FOXN2: variants seen among roughly 807,000 people sequenced by gnomAD.
FOXN2 encodes forkhead box N2, also known as forkhead box protein N2.
A neutral mutation model predicts 41.2 loss-of-function variants in FOXN2; 19 were observed. That is an observed-to-expected ratio of 0.46 (90% CI 0.32 to 0.68). The LOEUF (loss-of-function observed/expected upper bound fraction) is 0.68, where lower values mean the gene tolerates loss of function less well. FOXN2 is among the 30% of genes least tolerant of loss of function. The pLI is 0.03. For missense variants in FOXN2, 587 were observed against 509.4 expected, an observed-to-expected ratio of 1.15 and a Z score of -1.47; for synonymous variants, 195 against 176.8, an observed-to-expected ratio of 1.10 and a Z score of -0.82.
At chr2:48,335,594 CAG>C (rs1396482456) in intron 2 of FOXN2, among the ~76,000 whole-genome samples, 2 of 152,144 alleles carry the variant, frequency 1.3e-5, no homozygotes, top group South Asian at 4.1e-4. Context: ...AGTTCAGTGA[CAG>C]ACTATTTTTT....
At chr2:48,353,587 TGTGTG>T (rs1671595736) in intron 3 of FOXN2, among the ~76,000 whole-genome samples, 1 of 147,926 alleles carries the variant, frequency 6.8e-6, no homozygotes, top group Non-Finnish European at 1.5e-5. Context: ...TGTGTGTGTG[TGTGTG>T]TGTGTGTGTG....
At chr2:48,325,658 T>G (rs963073861) in intron 1 of FOXN2, among the ~76,000 whole-genome samples, 4 of 152,094 alleles carry the variant, frequency 2.6e-5, no homozygotes, top group African/African-American at 7.2e-5. Flanking sequence ...AGACAACAAA[T>G]ATTTGAGCAG....
At chr2:48,335,569 CAAATA>C (rs919203096) in intron 2 of FOXN2, among the ~76,000 whole-genome samples, 4 of 59,106 alleles carry the variant, frequency 6.8e-5, no homozygotes, top group African/African-American at 2.1e-4. Context: ...CATGTTCATA[CAAATA>C]AAATGTGAAA....
At chr2:48,361,814 A>G (rs956774864) in intron 4 of FOXN2, among the ~76,000 whole-genome samples, 1 of 152,216 alleles carries the variant, frequency 6.6e-6, no homozygotes, top group African/African-American at 2.4e-5. Flanking sequence ...TTCCATGAAT[A>G]TAGAAAGTTT....
At chr2:48,320,390 A>C (rs1233416489) in intron 1 of FOXN2, among the ~76,000 whole-genome samples, 3 of 151,818 alleles carry the variant, frequency 2.0e-5, no homozygotes, top group Non-Finnish European at 4.4e-5. Flanking sequence ...TCCCGGGTTC[A>C]AGCAGTTCTC....
At chr2:48,371,125 C>T (rs540394883) in intron 5 of FOXN2, among the ~76,000 whole-genome samples, 162 of 152,234 alleles carry the variant, frequency 1.1e-3, no homozygotes, top group Middle Eastern at 3.4e-3. Context: ...GGGTGGGGCG[C>T]GGTGGCTCAT....
Position 48,373,274 on chromosome 2 carries a change from T to C in FOXN2, c.704-18T>C. 1 of 1,549,102 alleles carries C rather than the reference T, an allele frequency of 6.5e-7. No individual in the cohort carries two copies. The highest frequency in any genetic ancestry group is 8.9e-7 in the Non-Finnish European group (1 of 1,129,138). On this transcript the variant is annotated intron_variant, in intron 5 of 6. Transcript: ENST00000340553. ...CCTTTATAAAGAACATTAATATTAT[T>C]ACTTTTTCCCTTTTCAGAATCTGAT...
At position 48,377,435 on chromosome 2, in the gene FOXN2, T is replaced by G. The variant is rs1427956401; in HGVS notation, c.*1992T>G. 6.6e-6 allele frequency: 1 copy of G among 152,032 alleles called. No homozygotes were observed. Among genetic ancestry groups the G allele is most frequent in the Non-Finnish European group, 1.5e-5 (1 of 67,910 alleles). 9.4% of individuals were successfully genotyped at this position (152,032 alleles called of 1,614,324 possible). ...TTTCAGTGATCTGGCACCAGTTTAT[T>G]TTGTTCTGCTGAAATTCTGTATCAC... On this transcript the variant is annotated 3_prime_UTR_variant, in exon 7 of 7. Coordinates refer to ENST00000340553, the MANE Select transcript of FOXN2 (RefSeq NM_002158.4).
intron 5 of FOXN2, among the ~76,000 whole-genome samples, chr2:48,363,141 T>C (rs1484419044): frequency 6.6e-6 from 1 of 152,188 alleles, no homozygotes; most frequent in African/African-American, 2.4e-5. Context: ...TCTGTGTTTA[T>C]TGTCCCTAAA....
chr2:48,342,647 C>G (rs773832035), intron 2 of FOXN2, among the ~76,000 whole-genome samples: 10 of 151,976 alleles, frequency 6.6e-5, no homozygotes, highest in Non-Finnish European at 1.3e-4. Flanking sequence ...GCCTGTTTAT[C>G]CATTGTGGTG....
At position 48,354,068 on chromosome 2, in the gene FOXN2, A is replaced by T. The variant is rs1671634586; in HGVS notation, c.538-4979A>T. ...AAAGGTAACCATCTACTAGGTACTTAGAAATATAGGCAGGAATAGAGGTGA... is the reference window on the plus strand; with the variant it reads ...AAAGGTAACCATCTACTAGGTACTTTGAAATATAGGCAGGAATAGAGGTGA... On this transcript the variant is annotated intron_variant, in intron 3 of 6. Transcript: ENST00000340553. Among the ~76,000 whole-genome samples, 8 of 152,194 alleles carry T rather than the reference A, an allele frequency of 5.3e-5. No individual in the cohort carries two copies. The South Asian group carries it at 1.7e-3, about 32-fold the overall frequency.
chr2:48,338,229 G>C (rs770132153), intron 2 of FOXN2, among the ~76,000 whole-genome samples: 9 of 152,156 alleles, frequency 5.9e-5, no homozygotes, highest in Non-Finnish European at 1.0e-4. Flanking sequence ...AATGCTGGAA[G>C]TTGGCCTGTT....
intron 1 of FOXN2, among the ~76,000 whole-genome samples, chr2:48,318,455 T>C (rs574562276): frequency 6.6e-6 from 1 of 152,288 alleles, no homozygotes; most frequent in South Asian, 2.1e-4. Flanking sequence ...GCCAGTCTCA[T>C]CACATCATAT....
At chr2:48,358,810 A>G (rs1284167661) in intron 3 of FOXN2, among the ~76,000 whole-genome samples, 1 of 152,190 alleles carries the variant, frequency 6.6e-6, no homozygotes, top group African/African-American at 2.4e-5. Context: ...ATAATATAAA[A>G]CCAGAAGCTA....
At chr2:48,347,439 A>G (rs947372236) in intron 3 of FOXN2, among the ~76,000 whole-genome samples, 14 of 151,348 alleles carry the variant, frequency 9.3e-5, no homozygotes, top group African/African-American at 3.4e-4. Context: ...TGTTGTCCAG[A>G]CTGGTCTTGG....
At chr2:48,317,489 A>G (rs2104028837) in intron 1 of FOXN2, among the ~76,000 whole-genome samples, 1 of 149,020 alleles carries the variant, frequency 6.7e-6, no homozygotes, top group Non-Finnish European at 1.5e-5. Flanking sequence ...GAGAACAAAG[A>G]TTTGATGCTT....
intron 3 of FOXN2, among the ~76,000 whole-genome samples, chr2:48,357,923 T>G: frequency 6.6e-6 from 1 of 151,940 alleles, no homozygotes; most frequent in East Asian, 1.9e-4. Context: ...ATGTGATATC[T>G]TGCTGCTAAA....
intron 4 of FOXN2, 133 bp from the exon 5 acceptor site, chr2:48,362,510 A>G: frequency 1.4e-6 from 1 of 697,202 alleles, no homozygotes; most frequent in South Asian, 1.7e-5. Flanking sequence ...TCAAGGCTGC[A>G]GTAGGCTGAA....
At chr2:48,338,577 A>G (rs1670526074) in intron 2 of FOXN2, among the ~76,000 whole-genome samples, 1 of 151,896 alleles carries the variant, frequency 6.6e-6, no homozygotes, top group Non-Finnish European at 1.5e-5. Flanking sequence ...AATTTTCTGT[A>G]TTTTTAGTAG....
Sources: allele counts gnomAD v4.1 joint callset (sites outside exome capture counted in the v4.1 genomes callset), GRCh38; gene constraint gnomAD v4.1.1; transcripts MANE v1.5; gene names NCBI Gene and HGNC (gene_info 2026-07-23, HGNC 2026-07-21).